The following HTR7 variants were observed in gnomAD, a reference collection of about 807,000 sequenced individuals.
HTR7 encodes 5-HT-7.
In HTR7, 16 loss-of-function variants were observed where a neutral mutation model predicts 34.0. The observed-to-expected ratio is 0.47, with a 90% CI of 0.32 to 0.71. The LOEUF is 0.71. Among genes scored for constraint, HTR7 ranks in the 30% least tolerant of loss-of-function variants. The pLI, the probability that HTR7 is intolerant of heterozygous loss-of-function variation, is 0.04. For synonymous variants in HTR7, 265 were observed against 260.2 expected, an observed-to-expected ratio of 1.02 and a Z score of -0.18; for missense variants, 504 against 625.5, an observed-to-expected ratio of 0.81 and a Z score of 2.07.
intron 1 of HTR7, among the ~76,000 whole-genome samples, chr10:90,845,869 G>T (rs1157623818): frequency 6.6e-6 from 1 of 152,188 alleles, no homozygotes; most frequent in Non-Finnish European, 1.5e-5. Flanking sequence ...GTGATCTTCT[G>T]CCCAAGAATT....
At chr10:90,776,863 A>G (rs183644374) in intron 1 of HTR7, among the ~76,000 whole-genome samples, 2 of 151,608 alleles carry the variant, frequency 1.3e-5, no homozygotes, top group East Asian at 1.9e-4. Context: ...TTGTTATTCC[A>G]TAATAGCTGT....
intron 1 of HTR7, among the ~76,000 whole-genome samples, chr10:90,791,952 A>T (rs904021171): frequency 3.3e-5 from 5 of 152,134 alleles, no homozygotes; most frequent in African/African-American, 4.8e-5. Flanking sequence ...GACATCAGGA[A>T]ATTAAAGAGC....
intron 1 of HTR7, among the ~76,000 whole-genome samples, chr10:90,808,573 T>C (rs1049295175): frequency 1.3e-5 from 2 of 151,154 alleles, no homozygotes; most frequent in Non-Finnish European, 3.0e-5. Flanking sequence ...CCTGATCCCT[T>C]ATTTCCATGC....
intron 1 of HTR7, among the ~76,000 whole-genome samples, chr10:90,792,363 TTTTTG>T (rs1398872184): frequency 3.3e-5 from 5 of 152,118 alleles, no homozygotes; most frequent in Non-Finnish European, 5.9e-5. Flanking sequence ...TGTTGGGGTT[TTTTTG>T]TTTTGTTTTT....
chr10:90,741,118 C>G lies in HTR7; in HGVS notation c.*1364G>C, dbSNP rs1844535333. 6.6e-6 allele frequency: 1 copy of G among 152,576 alleles called. No individual in the cohort carries two copies. Among genetic ancestry groups the G allele is most frequent in the Non-Finnish European group, 1.5e-5 (1 of 68,018 alleles). The allele number at this position is 152,576 out of a possible 1,614,324, so 9.5% of individuals were successfully genotyped here. Reference sequence around the variant, plus strand: ...GTCCATAATCCATGTCAGAATTCCACTTTATCCTGTGAGAGGACAGCTTGC... The same window carrying G: ...GTCCATAATCCATGTCAGAATTCCAGTTTATCCTGTGAGAGGACAGCTTGC... On this transcript the variant is annotated 3_prime_UTR_variant, in exon 4 of 4. Coordinates refer to ENST00000336152, the MANE Select transcript of HTR7 (RefSeq NM_019859.4).
At chr10:90,748,163 C>A (rs1844668913) in intron 2 of HTR7, among the ~76,000 whole-genome samples, 1 of 152,038 alleles carries the variant, frequency 6.6e-6, no homozygotes, top group Non-Finnish European at 1.5e-5. Flanking sequence ...TTTTTAGAGG[C>A]GAGTCTTGCT....
chr10:90,785,353 C>T (rs79546107), intron 1 of HTR7, among the ~76,000 whole-genome samples: 2,324 of 151,716 alleles, frequency 0.015, 75 homozygotes, highest in African/African-American at 0.052. Flanking sequence ...CTCAGAAAGG[C>T]CTAAATATCT....
Position 90,752,824 on chromosome 10 carries a change from G to A in HTR7, c.540-3230C>T, listed in dbSNP as rs10509611. The stretch of plus-strand genomic sequence containing the variant: ...GTAAAAGTATTACTGGCTTCTTATC[G>A]TTTGATTAAATATAAATCTCACATG... On this transcript the variant is annotated intron_variant, in intron 1 of 3. Coordinates refer to ENST00000336152, the MANE Select transcript of HTR7 (RefSeq NM_019859.4). Among the ~76,000 whole-genome samples, 929 of 152,116 alleles carry A rather than the reference G, an allele frequency of 6.1e-3. 34 individuals carry two copies. Among genetic ancestry groups the A allele is most frequent in the Admixed American group, 0.054 (831 of 15,268 alleles).
chr10:90,763,576 C>A (rs1346450508), intron 1 of HTR7, among the ~76,000 whole-genome samples: 1 of 152,072 alleles, frequency 6.6e-6, no homozygotes, highest in Admixed American at 6.6e-5. Flanking sequence ...TTTTAAGGCC[C>A]ACATGCATTA....
chr10:90,775,892 C>T (rs1450315650), intron 1 of HTR7, among the ~76,000 whole-genome samples: 2 of 152,050 alleles, frequency 1.3e-5, no homozygotes, highest in East Asian at 3.9e-4. Context: ...AAATGAGAGC[C>T]ATATGTGTAT....
intron 1 of HTR7, among the ~76,000 whole-genome samples, chr10:90,751,623 A>C (rs1160732997): frequency 6.6e-6 from 1 of 152,098 alleles, no homozygotes; most frequent in Non-Finnish European, 1.5e-5. Context: ...TTTTACACCT[A>C]CTTACTGGGA....
intron 1 of HTR7, among the ~76,000 whole-genome samples, chr10:90,789,749 G>C (rs1348940170): frequency 6.6e-6 from 1 of 152,112 alleles, no homozygotes; most frequent in African/African-American, 2.4e-5. Flanking sequence ...TACTGTCTGT[G>C]GTGGCTAAAC....
chr10:90,794,398 T>A (rs1230224470), intron 1 of HTR7, among the ~76,000 whole-genome samples: 1 of 152,204 alleles, frequency 6.6e-6, no homozygotes. Context: ...AAAATAACAA[T>A]TAGAAGTATA....
At chr10:90,785,724 T>C (rs1279204573) in intron 1 of HTR7, among the ~76,000 whole-genome samples, 1 of 152,264 alleles carries the variant, frequency 6.6e-6, no homozygotes, top group Non-Finnish European at 1.5e-5. Flanking sequence ...AGAAATACTA[T>C]GGTTCATTCT....
chr10:90,806,445 A>T (rs1845707816), intron 1 of HTR7, among the ~76,000 whole-genome samples: 1 of 152,040 alleles, frequency 6.6e-6, no homozygotes, highest in Non-Finnish European at 1.5e-5. Context: ...AAAAAATACA[A>T]AAAATTAGCC....
intron 1 of HTR7, among the ~76,000 whole-genome samples, chr10:90,759,097 G>C (rs966411121): frequency 6.6e-6 from 1 of 151,136 alleles, no homozygotes; most frequent in Non-Finnish European, 1.5e-5. Flanking sequence ...TGAGGCAGGA[G>C]AATTGCTTGA....
chr10:90,756,095 G>A (rs948386096), intron 1 of HTR7, among the ~76,000 whole-genome samples: 23 of 152,282 alleles, frequency 1.5e-4, no homozygotes, highest in African/African-American at 4.6e-4. Context: ...ACATAAGCTC[G>A]AGCTAAAGAA....
rs553609136 is a variant in HTR7 at position 90,743,640 on chromosome 10, A to G, written c.1346T>C (p.Val449Ala). 3.8e-5 allele frequency: 61 copies of G among 1,614,022 alleles called. No homozygotes were observed. The African/African-American group carries it at 7.5e-4, about 20-fold the overall frequency. The change falls in exon 3 of 4, where the codon GTA (valine) becomes GCA (alanine). Residue 449 changes from valine (V) to alanine (A), a missense_variant. By Grantham distance (64) the Val-to-Ala change is moderately conservative. Around this residue, in one of 4 missense-constraint regions of HTR7, gnomAD observed 154 missense variants for 212.1 expected, o/e 0.73. Transcript: ENST00000336152. ...VLLRPEKRPP[V>A]SVWVLQSPDH... ...TGGAGATTGTAGCACCCACACAGAT[A>G]CCGGTGGCCTCTTTTCTGGTCTCAA...
chr10:90,854,737 G>T (rs1015107561), intron 1 of HTR7, among the ~76,000 whole-genome samples: 5 of 152,082 alleles, frequency 3.3e-5, no homozygotes, highest in South Asian at 2.1e-4. Context: ...AAAATGAAAG[G>T]TTCCATTTTA....
Sources: gnomAD v4.1 joint callset for allele counts (sites outside exome capture counted in the v4.1 genomes callset) on GRCh38, gnomAD v4.1.1 for gene constraint, gnomAD v4.1.1 regional missense constraint, MANE v1.5 for transcripts, NCBI Gene and HGNC (gene_info 2026-07-23, HGNC 2026-07-21) for gene names.